ADAMTSL1: variants seen among roughly 807,000 people sequenced by gnomAD.
ADAMTSL1 encodes the protein ADAMTS like 1.
In ADAMTSL1, 126 loss-of-function variants were observed where a neutral mutation model predicts 201.8. The observed-to-expected ratio is 0.62, with a 90% CI of 0.54 to 0.72. The LOEUF (loss-of-function observed/expected upper bound fraction) is 0.72, where lower values mean the gene tolerates loss of function less well. ADAMTSL1 is among the 30% of genes least tolerant of loss of function. The probability of loss-of-function intolerance (pLI) is 0.00; values close to 1 mark genes in which losing one functional copy is unlikely to be tolerated. For synonymous variants in ADAMTSL1, 1,121 were observed against 903.4 expected (o/e 1.24, Z -4.32); for missense variants, 2,679 against 2,277.8 (o/e 1.18, Z -3.59).
intron 4 of ADAMTSL1, among the ~76,000 whole-genome samples, chr9:18,588,905 A>ATG (rs1372682020): frequency 1.5e-5 from 2 of 130,070 alleles, no homozygotes; most frequent in East Asian, 4.6e-4. Context: ...ATATATATAC[A>ATG]TATATATACA....
rs140652161 is a variant in ADAMTSL1, at chr9:17,989,090, G to C, written c.87+82168G>C. Among the ~76,000 whole-genome samples, 71 of 151,664 alleles carry C rather than the reference G, an allele frequency of 4.7e-4. No homozygotes were observed. The East Asian group carries it at 0.011, about 24-fold the overall frequency. On this transcript the variant is annotated intron_variant, in intron 1 of 29. Transcript: ENST00000680146. ...TTTTCTTAAAATAAGCTTATATAGA[G>C]GAAACTACTTTAATTTTAAATTTTC...
intron 21 of ADAMTSL1, among the ~76,000 whole-genome samples, chr9:18,820,807 CTTGTTCTCTAT>C (rs1223226405): frequency 1.3e-5 from 2 of 152,154 alleles, no homozygotes; most frequent in Non-Finnish European, 2.9e-5. Context: ...CACTCCCATG[CTTGTTCTCTAT>C]TTGTTCTCTG....
chr9:18,462,666 T>C (rs973852556), intron 2 of ADAMTSL1, among the ~76,000 whole-genome samples: 1 of 151,980 alleles, frequency 6.6e-6, no homozygotes, highest in Non-Finnish European at 1.5e-5. Context: ...GGGCCGGGCA[T>C]GGTGGCTCAC....
intron 2 of ADAMTSL1, among the ~76,000 whole-genome samples, chr9:18,434,921 A>G (rs1429849364): frequency 6.6e-6 from 1 of 152,230 alleles, no homozygotes; most frequent in Non-Finnish European, 1.5e-5. Flanking sequence ...TAAGTCAACT[A>G]CTAGACTGGG....
chr9:18,768,708 T>C (rs959535447), intron 16 of ADAMTSL1, among the ~76,000 whole-genome samples: 17 of 152,172 alleles, frequency 1.1e-4, no homozygotes, highest in African/African-American at 4.1e-4. Flanking sequence ...AGTTGATTGC[T>C]TTTCTAACAT....
At chr9:18,329,150 A>G (rs1289024047) in intron 2 of ADAMTSL1, among the ~76,000 whole-genome samples, 1 of 152,018 alleles carries the variant, frequency 6.6e-6, no homozygotes, top group Non-Finnish European at 1.5e-5. Context: ...GACCACAGAG[A>G]GCTCCTTTGC....
rs755742005 is a variant in ADAMTSL1 at position 18,892,497 on chromosome 9, G to A, written c.4752G>A (p.Val1584=). 8.1e-6 allele frequency: 13 copies of A among 1,608,178 alleles called. No homozygotes were observed. Among genetic ancestry groups the A allele is most frequent in the Admixed American group, 1.7e-5 (1 of 59,228 alleles). ...AAGCCTCTGGGATCTCCACCCCTGT[G>A]TCCAATGACATGTGCACCCAGGTCG... The part of the protein sequence containing the change: ...KLKASGISTP[V]SNDMCTQVAK... The change falls in exon 26 of 29, where the codon GTG becomes GTA. Residue 1584 remains valine (V), a synonymous_variant. Transcript: ENST00000380548.
At chr9:18,263,298 AT>A (rs1337100638) in intron 2 of ADAMTSL1, among the ~76,000 whole-genome samples, 1 of 152,062 alleles carries the variant, frequency 6.6e-6, no homozygotes, top group African/African-American at 2.4e-5. Context: ...ATCTAACATT[AT>A]TGAAACTCCA....
At chr9:18,076,759 G>C (rs1189276545) in intron 1 of ADAMTSL1, among the ~76,000 whole-genome samples, 1 of 152,158 alleles carries the variant, frequency 6.6e-6, no homozygotes, top group Non-Finnish European at 1.5e-5. Context: ...GGACTTATAT[G>C]TGGAGAGGGG....
chr9:18,708,681 A>G (rs1268890145), intron 14 of ADAMTSL1, among the ~76,000 whole-genome samples: 1 of 152,200 alleles, frequency 6.6e-6, no homozygotes, highest in Non-Finnish European at 1.5e-5. Flanking sequence ...CCCAATTTCC[A>G]TGATCACCTG....
intron 14 of ADAMTSL1, among the ~76,000 whole-genome samples, chr9:18,714,714 T>C (rs1227080737): frequency 2.6e-5 from 4 of 151,490 alleles, no homozygotes; most frequent in Non-Finnish European, 5.9e-5. Flanking sequence ...TTCCAATCAA[T>C]AGAAAAAGAG....
intron 3 of ADAMTSL1, among the ~76,000 whole-genome samples, chr9:18,550,010 C>G (rs944604574): frequency 2.0e-5 from 3 of 151,938 alleles, no homozygotes; most frequent in African/African-American, 7.2e-5. Context: ...CTTTCCCAGC[C>G]TGGGTCACTG....
At chr9:18,427,553 T>C (rs761338368) in intron 2 of ADAMTSL1, among the ~76,000 whole-genome samples, 29 of 152,250 alleles carry the variant, frequency 1.9e-4, no homozygotes, top group Admixed American at 1.4e-3. Flanking sequence ...AATCATTTTC[T>C]GCAACTTGTC....
chr9:18,806,780 C>T (rs1400554876), intron 20 of ADAMTSL1, among the ~76,000 whole-genome samples: 2 of 152,192 alleles, frequency 1.3e-5, no homozygotes, highest in Non-Finnish European at 2.9e-5. Context: ...CCTGTCTCTC[C>T]AGAGGTCCTC....
intron 16 of ADAMTSL1, among the ~76,000 whole-genome samples, chr9:18,756,115 ATATATATAC>A (rs1819744729): frequency 5.3e-5 from 5 of 93,638 alleles, no homozygotes; most frequent in South Asian, 3.8e-4. Context: ...ATATATATAT[ATATATATAC>A]AAAAATTAGC....
chr9:18,348,925 C>T (rs773143895), intron 2 of ADAMTSL1, among the ~76,000 whole-genome samples: 25 of 152,168 alleles, frequency 1.6e-4, no homozygotes, highest in Non-Finnish European at 3.2e-4. Flanking sequence ...TATTGCCAGT[C>T]ATTTTACTAA....
intron 2 of ADAMTSL1, among the ~76,000 whole-genome samples, chr9:18,299,913 TA>T (rs1833632633): frequency 6.6e-6 from 1 of 152,216 alleles, no homozygotes; most frequent in Non-Finnish European, 1.5e-5. Context: ...ATTAGAATTG[TA>T]TCAGCCTTCC....
At chr9:17,932,898 A>G (rs980228610) in intron 1 of ADAMTSL1, among the ~76,000 whole-genome samples, 7 of 152,094 alleles carry the variant, frequency 4.6e-5, no homozygotes, top group Non-Finnish European at 1.0e-4. Context: ...TTATTTCTTC[A>G]TATTTTAGGA....
chr9:18,578,702 T>G lies in ADAMTSL1; in HGVS notation c.474+4436T>G, dbSNP rs55746309. On this transcript the variant is annotated intron_variant, in intron 4 of 28. Coordinates refer to ENST00000380548, the MANE Select transcript of ADAMTSL1 (RefSeq NM_001040272.6). ...CGCAATAAACATACGTGTGCATGTG[T>G]CTTTATAGCAGCATGATTTATAGTC... is the stretch of plus-strand genomic sequence containing the variant. Among the ~76,000 whole-genome samples, 736 of 152,210 alleles carry G rather than the reference T, an allele frequency of 4.8e-3. 7 individuals carry two copies. The highest frequency in any genetic ancestry group is 0.017 in the African/African-American group (705 of 41,530).
Sources: gnomAD v4.1 joint callset for allele counts (sites outside exome capture counted in the v4.1 genomes callset) on GRCh38, gnomAD v4.1.1 for gene constraint, MANE v1.5 for transcripts, NCBI Gene and HGNC (gene_info 2026-07-23, HGNC 2026-07-21) for gene names.